ZFHX3: variants seen among roughly 807,000 people sequenced by gnomAD.
The protein encoded by ZFHX3 is zinc finger homeobox 3.
ZFHX3 carries 42 observed loss-of-function variants against 279.1 expected under a neutral mutation model. The ratio of observed to expected loss-of-function variants is 0.15; its 90% CI spans 0.12 to 0.19. The LOEUF (loss-of-function observed/expected upper bound fraction) is 0.19, where lower values mean the gene tolerates loss of function less well. Among genes scored for constraint, ZFHX3 ranks in the 10% least tolerant of loss-of-function variants. The pLI, the probability that ZFHX3 is intolerant of heterozygous loss-of-function variation, is 1.00. For missense variants in ZFHX3, 4,981 were observed against 4,754.0 expected, an observed-to-expected ratio of 1.05 and a Z score of -1.40; for synonymous variants, 2,293 against 1,957.8, an observed-to-expected ratio of 1.17 and a Z score of -4.52.
intron 2 of ZFHX3, among the ~76,000 whole-genome samples, chr16:73,611,380 T>C (rs1008522908): frequency 1.3e-5 from 2 of 152,168 alleles, no homozygotes; most frequent in Non-Finnish European, 2.9e-5. Flanking sequence ...CGTAGATGAT[T>C]TGGGGGAGAA....
At chr16:73,174,378 G>A (rs932675342) in intron 5 of ZFHX3, among the ~76,000 whole-genome samples, 2 of 152,188 alleles carry the variant, frequency 1.3e-5, no homozygotes, top group African/African-American at 2.4e-5. Context: ...TATTGACAGC[G>A]AGGCAGGATC....
At position 73,033,474 on chromosome 16, in the gene ZFHX3, C is replaced by A. The variant is rs147624016; in HGVS notation, c.-50+14278G>T. Among the ~76,000 whole-genome samples the A allele has an allele frequency of 8.8e-3, 1,341 of 152,232 alleles. 10 individuals carry two copies. The highest frequency in any genetic ancestry group is 0.02 in the Middle Eastern group (6 of 294). ...CTGGTGTCCCAGCACAGGGCCTGAT[C>A]ATATCCTCTAAAACGTGAACAGTTT... On this transcript the variant is annotated intron_variant, in intron 1 of 9. Coordinates refer to ENST00000268489, the MANE Select transcript of ZFHX3 (RefSeq NM_006885.4).
intron 1 of ZFHX3, among the ~76,000 whole-genome samples, chr16:73,812,235 T>C (rs1344208731): frequency 6.6e-6 from 1 of 152,206 alleles, no homozygotes; most frequent in Non-Finnish European, 1.5e-5. Flanking sequence ...TGGGCATCCA[T>C]CCAGCTTCAA....
chr16:73,265,857 A>G (rs918042512), intron 4 of ZFHX3, among the ~76,000 whole-genome samples: 1 of 152,244 alleles, frequency 6.6e-6, no homozygotes, highest in Non-Finnish European at 1.5e-5. Flanking sequence ...TGGTCAAAGC[A>G]TAAAGGGTCC....
In ZFHX3 at chr16:73,182,044, A is replaced by G. The variant is rs564541530; in HGVS notation, c.-1103-38213T>C. On this transcript the variant is annotated intron_variant, in intron 5 of 17. Transcript: ENST00000641206. Reference sequence around the variant, plus strand: ...AGAGGAGGGCAGCTTGTTTCATATGATACAAGGGTACAGAATAGGCTAGAC... The same window carrying G: ...AGAGGAGGGCAGCTTGTTTCATATGGTACAAGGGTACAGAATAGGCTAGAC... Among the ~76,000 whole-genome samples, 28 of 152,314 alleles carry G rather than the reference A, an allele frequency of 1.8e-4. No homozygotes were observed. In the South Asian group the frequency reaches 5.6e-3, roughly 30 times the overall value.
chr16:72,974,932 T>C (rs1962280582), intron 1 of ZFHX3, among the ~76,000 whole-genome samples: 3 of 152,184 alleles, frequency 2.0e-5, no homozygotes, highest in South Asian at 4.1e-4. Context: ...CTCACTGCAC[T>C]AGACTGAAGG....
chr16:73,299,642 C>T (rs1000996580), intron 4 of ZFHX3, among the ~76,000 whole-genome samples: 5 of 152,322 alleles, frequency 3.3e-5, no homozygotes, highest in Non-Finnish European at 4.4e-5. Context: ...AAACCAAGAA[C>T]GTGCCCCAGC....
At chr16:73,416,602 G>A (rs1403572059) in intron 3 of ZFHX3, among the ~76,000 whole-genome samples, 6 of 152,254 alleles carry the variant, frequency 3.9e-5, no homozygotes, top group Admixed American at 6.5e-5. Flanking sequence ...GGCCGGACGC[G>A]GTGGCTCACG....
At chr16:73,279,777 C>G (rs1359081286) in intron 4 of ZFHX3, among the ~76,000 whole-genome samples, 2 of 152,170 alleles carry the variant, frequency 1.3e-5, no homozygotes, top group Non-Finnish European at 2.9e-5. Flanking sequence ...CCCTGCTTCT[C>G]TCAGAACAGA....
At chr16:73,739,576 T>G (rs142030867) in intron 1 of ZFHX3, among the ~76,000 whole-genome samples, 57 of 152,310 alleles carry the variant, frequency 3.7e-4, no homozygotes, top group African/African-American at 1.3e-3. Context: ...TGGTTGTTCC[T>G]GCTTCCATGC....
At chr16:73,490,122 C>G (rs2019034950) in intron 2 of ZFHX3, among the ~76,000 whole-genome samples, 1 of 152,186 alleles carries the variant, frequency 6.6e-6, no homozygotes, top group South Asian at 2.1e-4. Context: ...CTTTACATTT[C>G]ACGTCTTAAA....
chr16:73,458,570 C>T (rs1053352828), intron 2 of ZFHX3, among the ~76,000 whole-genome samples: 2 of 152,082 alleles, frequency 1.3e-5, no homozygotes, highest in Non-Finnish European at 2.9e-5. Context: ...ATTGGCCAGG[C>T]TGGTCTCGAA....
Position 72,793,960 on chromosome 16 carries a change from T to C in ZFHX3, c.8722A>G (p.Asn2908Asp), listed in dbSNP as rs1239260156. The change falls in exon 9 of 10, where the codon AAT (asparagine) becomes GAT (aspartate). Residue 2908 changes from asparagine (N) to aspartate (D), a missense_variant. This residue lies in a region of ZFHX3 where 168 missense variants were observed against 249.1 expected (regional missense o/e 0.67). Transcript: ENST00000268489. The surrounding 1 kb of genome is among the most constrained non-coding windows in gnomAD (Gnocchi z 4.3). ...APSFYSKEYDNEGTVDYSETS... is the reference protein window; with the variant it reads ...APSFYSKEYDDEGTVDYSETS... ...TCACTGTAGTCCACTGTACCTTCAT[T>C]GTCATATTCCTTGCTATAAAAGCTC... The C allele has an allele frequency of 6.2e-7, 1 of 1,614,048 alleles. No individual in the cohort carries two copies. The highest frequency in any genetic ancestry group is 8.5e-7 in the Non-Finnish European group (1 of 1,180,036).
intron 7 of ZFHX3, among the ~76,000 whole-genome samples, chr16:73,112,780 G>T (rs1425634718): frequency 2.0e-5 from 3 of 150,600 alleles, no homozygotes; most frequent in African/African-American, 7.3e-5. Context: ...AAAGGGGAAG[G>T]TTAGTGAAGG....
At chr16:73,159,525 G>A (rs572276624) in intron 5 of ZFHX3, among the ~76,000 whole-genome samples, 32 of 152,038 alleles carry the variant, frequency 2.1e-4, no homozygotes, top group Non-Finnish European at 2.2e-4. Flanking sequence ...GAGAAATAAG[G>A]AACCACTTCA....
chr16:73,750,249 C>T (rs1292256334), intron 1 of ZFHX3, among the ~76,000 whole-genome samples: 1 of 152,158 alleles, frequency 6.6e-6, no homozygotes, highest in Admixed American at 6.5e-5. Flanking sequence ...AAGAAAAAAA[C>T]AGATCCTAAA....
At chr16:73,465,288 T>C (rs147012525) in intron 2 of ZFHX3, among the ~76,000 whole-genome samples, 570 of 152,312 alleles carry the variant, frequency 3.7e-3, no homozygotes, top group African/African-American at 0.013. Context: ...GGCTAAAATC[T>C]AGATGGAGGG....
intron 6 of ZFHX3, among the ~76,000 whole-genome samples, chr16:73,138,810 C>A (rs1966836605): frequency 6.6e-6 from 1 of 152,150 alleles, no homozygotes; most frequent in Non-Finnish European, 1.5e-5. Flanking sequence ...ACCTCAGCCT[C>A]CCGAGTAGCT....
chr16:72,799,117 T>C (rs1208856581), intron 8 of ZFHX3, among the ~76,000 whole-genome samples: 1 of 152,228 alleles, frequency 6.6e-6, no homozygotes, highest in Non-Finnish European at 1.5e-5. Context: ...GTAATAAGCA[T>C]TTAGCACAGT....
Sources: gnomAD v4.1 joint callset for allele counts (sites outside exome capture counted in the v4.1 genomes callset) on GRCh38, gnomAD v4.1.1 for gene constraint, gnomAD v4.1.1 regional missense constraint, Gnocchi (gnomAD v3.1) non-coding constraint, MANE v1.5 for transcripts, NCBI Gene and HGNC (gene_info 2026-07-23, HGNC 2026-07-21) for gene names.